TRPM8: variants seen among roughly 807,000 people sequenced by gnomAD.
The protein encoded by TRPM8 is TRPM8 cationic channel.
TRPM8 carries 110 observed loss-of-function variants against 133.7 expected under a neutral mutation model. The ratio of observed to expected loss-of-function variants is 0.82; its 90% CI spans 0.70 to 0.96. The LOEUF is 0.96. Ranked by LOEUF, TRPM8 falls within the 40% of genes least tolerant of loss-of-function variation. The pLI, the probability that TRPM8 is intolerant of heterozygous loss-of-function variation, is 0.00. For synonymous variants in TRPM8, 535 were observed against 532.3 expected, an observed-to-expected ratio of 1.01 and a Z score of -0.07; for missense variants, 1,291 against 1,379.5, an observed-to-expected ratio of 0.94 and a Z score of 1.02.
chr2:233,990,606 G>A, intron 21 of TRPM8, among the ~76,000 whole-genome samples: 1 of 152,184 alleles, frequency 6.6e-6, no homozygotes, highest in East Asian at 1.9e-4. Context: ...ATGAGCACAG[G>A]TCAGCCCAAG....
At chr2:233,930,876 G>T (rs1005282406) in intron 3 of TRPM8, 135 bp downstream of exon 3, 28 of 612,658 alleles carry the variant, frequency 4.6e-5, no homozygotes, top group Non-Finnish European at 7.7e-5. Flanking sequence ...CACTGTTTGC[G>T]CAGGAAGGAT....
At chr2:233,978,085 T>A (rs1041331541) in intron 17 of TRPM8, among the ~76,000 whole-genome samples, 3 of 134,838 alleles carry the variant, frequency 2.2e-5, no homozygotes, top group Non-Finnish European at 1.7e-5. Flanking sequence ...AATTTGCTTT[T>A]TTTTTTTTTT....
chr2:233,933,035 C>G (rs969923231), intron 3 of TRPM8, among the ~76,000 whole-genome samples: 1 of 151,698 alleles, frequency 6.6e-6, no homozygotes, highest in Admixed American at 6.6e-5. Context: ...AAGATGGTGC[C>G]GCACTTTTGC....
chr2:233,964,713 G>A lies in TRPM8; in HGVS notation c.1835G>A (p.Gly612Glu), dbSNP rs778832404. 6.2e-7 allele frequency: 1 copy of A among 1,613,230 alleles called. No individual in the cohort carries two copies. The highest frequency in any genetic ancestry group is 8.5e-7 in the Non-Finnish European group (1 of 1,179,384). Residue 612 changes from glycine (G) to glutamate (E), a missense_variant, in exon 14 of 26, where the codon GGG (glycine) becomes GAG (glutamate). Physicochemically the swap from Gly to Glu is moderately conservative, Grantham distance 98. Around this residue, in one of 2 missense-constraint regions of TRPM8, gnomAD observed 963 missense variants for 968.9 expected, o/e 0.99. Transcript: ENST00000324695. ...AKVKNDINAA[G>E]ESEELANEYE... is the part of the protein sequence containing the mutation. ...GTGAAGAACGACATCAATGCTGCTGGGGAGTCCGAGGAGCTGGCTAATGAG... is the reference window on the plus strand; with the variant it reads ...GTGAAGAACGACATCAATGCTGCTGAGGAGTCCGAGGAGCTGGCTAATGAG...
At chr2:233,970,464 TC>T (rs776707988) in intron 17 of TRPM8, 38 bp downstream of exon 17, 1 of 1,573,624 alleles carries the variant, frequency 6.4e-7, no homozygotes, top group East Asian at 2.2e-5. Flanking sequence ...CCTCGCTTCC[TC>T]GGTGGGAGGC....
intron 2 of TRPM8, among the ~76,000 whole-genome samples, chr2:233,927,779 T>TTCCTTCCTTCCTTCCTTCC (rs1691564685): frequency 4.8e-5 from 2 of 41,356 alleles, no homozygotes; most frequent in Admixed American, 5.3e-4. Context: ...TCTTTCTTTC[T>TTCCTTCCTTCCTTCCTTCC]TTCTTTCTTT....
intron 22 of TRPM8, among the ~76,000 whole-genome samples, chr2:233,999,805 A>G (rs533172120): frequency 6.6e-6 from 1 of 152,322 alleles, no homozygotes; most frequent in East Asian, 1.9e-4. Flanking sequence ...ACAATTTTCT[A>G]TGCCCTGACA....
chr2:233,950,184 A>G (rs1691142213), intron 9 of TRPM8, 38 bp downstream of exon 9: 1 of 1,587,728 alleles, frequency 6.3e-7, no homozygotes, highest in Admixed American at 1.8e-5. Flanking sequence ...CTGAGAAAAT[A>G]AGACAAGTTG....
At chr2:233,920,855 ATT>A (rs10685994) in intron 1 of TRPM8, among the ~76,000 whole-genome samples, 108 of 129,220 alleles carry the variant, frequency 8.4e-4, no homozygotes, top group African/African-American at 1.9e-3. Context: ...AGATTTCACC[ATT>A]TTTTTTTTTT....
intron 14 of TRPM8, among the ~76,000 whole-genome samples, chr2:233,965,764 A>T (rs1476248967): frequency 8.5e-6 from 1 of 117,370 alleles, no homozygotes; most frequent in African/African-American, 3.2e-5. Context: ...TACTGTAAAA[A>T]AATTTCCCTG....
intron 11 of TRPM8, among the ~76,000 whole-genome samples, chr2:233,956,333 T>C (rs2125152998): frequency 6.6e-6 from 1 of 152,324 alleles, no homozygotes; most frequent in South Asian, 2.1e-4. Flanking sequence ...AAGTGTTTTT[T>C]TTCTTTCTAG....
chr2:233,943,529 A>G (rs1690968919), intron 6 of TRPM8, among the ~76,000 whole-genome samples: 1 of 152,188 alleles, frequency 6.6e-6, no homozygotes, highest in African/African-American at 2.4e-5. Context: ...GAGAACTGCA[A>G]TATCTTGATT....
intron 24 of TRPM8, among the ~76,000 whole-genome samples, chr2:234,009,407 T>C (rs1692776161): frequency 6.6e-6 from 1 of 152,234 alleles, no homozygotes; most frequent in Admixed American, 6.5e-5. Context: ...CTGATCCTGC[T>C]GTGGGACATG....
chr2:233,969,911 T>C (rs1414432004), intron 16 of TRPM8, 104 bp downstream of exon 16: 1 of 843,082 alleles, frequency 1.2e-6, no homozygotes, highest in Non-Finnish European at 2.0e-6. Context: ...GCCTGGAACT[T>C]ATGATGTTTA....
chr2:233,981,233 T>A (rs1691998885), intron 18 of TRPM8, among the ~76,000 whole-genome samples: 1 of 151,994 alleles, frequency 6.6e-6, no homozygotes, highest in Non-Finnish European at 1.5e-5. Flanking sequence ...CCCTTTCTGG[T>A]TGGGTTTAAG....
At chr2:233,926,700 TCGTAAGCCG>T in intron 2 of TRPM8, 46 bp downstream of exon 2, 2 of 1,440,120 alleles carry the variant, frequency 1.4e-6, no homozygotes, top group Non-Finnish European at 9.8e-7. Flanking sequence ...ATTGTAACCT[TCGTAAGCCG>T]TCAAATCCTG....
chr2:233,980,263 G>A lies in TRPM8; in HGVS notation c.2431G>A (p.Ala811Thr), dbSNP rs201621223. The change falls in exon 18 of 26, where the codon GCA becomes ACA. Residue 811 changes from alanine (A) to threonine (T), a missense_variant. By Grantham distance (58) the Ala-to-Thr change is moderately conservative. This residue lies in a region of TRPM8 where 328 missense variants were observed against 410.6 expected (regional missense o/e 0.80). Coordinates refer to ENST00000324695, the MANE Select transcript of TRPM8 (RefSeq NM_024080.5). ...CACGCTGGGGCTTTTTTACTTCATA[G>A]CAGGAATTGTATTTCGGTAAGTAGT... Reference protein sequence around the residue: ...MDTLGLFYFIAGIVFRLHSSN... With the variant: ...MDTLGLFYFITGIVFRLHSSN... 3.1e-6 allele frequency: 5 copies of A among 1,595,666 alleles called. No homozygotes were observed. The highest frequency in any genetic ancestry group is 4.3e-6 in the Non-Finnish European group (5 of 1,174,654).
At chr2:233,982,989 G>T in intron 19 of TRPM8, 64 bp from the exon 20 acceptor site, 1 of 1,561,272 alleles carries the variant, frequency 6.4e-7, no homozygotes, top group South Asian at 1.2e-5. Flanking sequence ...AGGACGGCCG[G>T]GCCGGGGGGA....
intron 1 of TRPM8, among the ~76,000 whole-genome samples, 159 bp from the exon 2 acceptor site, chr2:233,926,374 G>A (rs562092986): frequency 3.3e-4 from 51 of 152,266 alleles, no homozygotes; most frequent in African/African-American, 1.2e-3. Context: ...GAGGAATTAG[G>A]GGCAGAGGCA....
Sources: gnomAD v4.1 joint callset for allele counts (sites outside exome capture counted in the v4.1 genomes callset) on GRCh38, gnomAD v4.1.1 for gene constraint, gnomAD v4.1.1 regional missense constraint, MANE v1.5 for transcripts, NCBI Gene and HGNC (gene_info 2026-07-23, HGNC 2026-07-21) for gene names.